Variants in ZNF440 observed in about 807,000 individuals in gnomAD.
The protein encoded by ZNF440 is zinc finger protein 440.
ZNF440 carries 47 observed loss-of-function variants against 49.7 expected under a neutral mutation model. The observed-to-expected ratio is 0.95, with a 90% CI of 0.75 to 1.21. ZNF440 has a LOEUF of 1.21. Ranked by LOEUF, ZNF440 falls within the 50% of genes most tolerant of loss-of-function variation. The pLI, the probability that ZNF440 is intolerant of heterozygous loss-of-function variation, is 0.00. For synonymous variants in ZNF440, 255 were observed against 237.7 expected (o/e 1.07, Z -0.67); for missense variants, 703 against 715.0 (o/e 0.98, Z 0.19).
At chr19:11,822,391 A>G (rs1311943513) in intron 1 of ZNF440, among the ~76,000 whole-genome samples, 1 of 152,236 alleles carries the variant, frequency 6.6e-6, no homozygotes, top group African/African-American at 2.4e-5. Context: ...TCAGTATAAG[A>G]GGCAACTCTA....
chr19:11,829,708 C>T (rs531600673), intron 1 of ZNF440, among the ~76,000 whole-genome samples: 1 of 152,300 alleles, frequency 6.6e-6, no homozygotes, highest in South Asian at 2.1e-4. Context: ...TGGCACATGC[C>T]TGTGGTCTCA....
intron 1 of ZNF440, chr19:11,827,604 A>G (rs1026031726): frequency 6.6e-6 from 1 of 152,216 alleles, no homozygotes; most frequent in Non-Finnish European, 1.5e-5. Flanking sequence ...TCTTATTGCC[A>G]AATCAAGGTC....
intron 1 of ZNF440, among the ~76,000 whole-genome samples, chr19:11,824,706 C>CTTTTTTT (rs71166634): frequency 8.3e-5 from 10 of 120,536 alleles, no homozygotes; most frequent in African/African-American, 2.8e-4. Context: ...CCCCACCACC[C>CTTTTTTT]TTTTTTTTTT....
chr19:11,831,273 A>G (rs1975933407), intron 3 of ZNF440, 95 bp from the exon 4 acceptor site: 1 of 1,463,594 alleles, frequency 6.8e-7, no homozygotes, highest in Admixed American at 2.3e-5. Flanking sequence ...CTACACTTTG[A>G]TGGAGAGTGT....
chr19:11,832,953 A>G lies in ZNF440; in HGVS notation c.1777A>G (p.Lys593Glu). 2.5e-6 allele frequency: 4 copies of G among 1,609,144 alleles called. No homozygotes were observed. Among genetic ancestry groups the G allele is most frequent in the Non-Finnish European group, 3.4e-6 (4 of 1,178,804 alleles). The change falls in exon 4 of 4, where the codon AAA becomes GAA. Residue 593 changes from lysine (K) to glutamate (E), a missense_variant. Coordinates refer to ENST00000304060, the MANE Select transcript of ZNF440 (RefSeq NM_152357.3). ...PRTFEFMKGH[K>E]HT is the part of the protein sequence containing the mutation. ...AACCTTCGAATTCATGAAAGGACAC[A>G]AACACACATAATGCACTCTGTAGAG... is the stretch of plus-strand genomic sequence containing the variant.
At chr19:11,826,250 G>A (rs935870194) in intron 1 of ZNF440, among the ~76,000 whole-genome samples, 8 of 152,162 alleles carry the variant, frequency 5.3e-5, no homozygotes, top group Non-Finnish European at 1.2e-4. Context: ...GCACATGGGA[G>A]ACTGAGATGA....
chr19:11,827,139 C>T (rs1975876853), intron 1 of ZNF440, among the ~76,000 whole-genome samples: 1 of 151,436 alleles, frequency 6.6e-6, no homozygotes, highest in South Asian at 2.1e-4. Flanking sequence ...TCTTGGCTCA[C>T]TGCAACCTCT....
rs1208121826 is a variant in ZNF440, at chr19:11,834,088, CT to C, written c.*1126del. On this transcript the variant is annotated 3_prime_UTR_variant, in exon 4 of 4. Transcript: ENST00000304060. ...TTATTCGAAAATTTTACTTTTCATG[CT>C]TCTGTACTTACATTTTTATCTCAAC... The C allele has an allele frequency of 1.7e-5, 5 of 295,072 alleles. No homozygotes were observed. The highest frequency in any genetic ancestry group is 1.1e-4 in the African/African-American group (5 of 45,496). 18.3% of individuals were successfully genotyped at this position (295,072 alleles called of 1,614,324 possible). A position where few individuals can be genotyped will look rare whatever the true frequency, so the allele number is the denominator to read the frequency against.
At position 11,828,132 on chromosome 19, in the gene ZNF440, G is replaced by A. The variant is rs186931491; in HGVS notation, c.4-2151G>A. 2.6e-4 allele frequency among the ~76,000 whole-genome samples: 40 copies of A among 152,228 alleles called. No homozygotes were observed. In the South Asian group the frequency reaches 3.9e-3, roughly 15 times the overall value. On this transcript the variant is annotated intron_variant, in intron 1 of 3. Transcript: ENST00000304060. ...TAGCGTTCCAAAAATGGAACACTAG[G>A]CATAAATTGGTTAAGGCTTGTCAGA...
rs771455938 is a variant in ZNF440 at position 11,832,066 on chromosome 19, G to A, written c.890G>A (p.Arg297His). 22 of 1,613,866 alleles carry A rather than the reference G, an allele frequency of 1.4e-5. No homozygotes were observed. Among genetic ancestry groups the A allele is most frequent in the Middle Eastern group, 1.6e-4 (1 of 6,084 alleles). Reference sequence around the variant, plus strand: ...TGTGGAAAAGCATTCACGTGTCCCCGTTATGTTCGTATACATGAAAGGACC... The same window carrying A: ...TGTGGAAAAGCATTCACGTGTCCCCATTATGTTCGTATACATGAAAGGACC... ...KECGKAFTCP[R>H]YVRIHERTHS... Residue 297 changes from arginine (R) to histidine (H), a missense_variant, in exon 4 of 4, where the codon CGT (arginine) becomes CAT (histidine). Physicochemically the swap from Arg to His is conservative, Grantham distance 29. Coordinates refer to ENST00000304060, the MANE Select transcript of ZNF440 (RefSeq NM_152357.3).
rs112043377 is a variant in ZNF440, at chr19:11,826,662, C to CT, written c.4-3605dup. Among the ~76,000 whole-genome samples, 567 of 142,244 alleles carry CT rather than the reference C, an allele frequency of 4.0e-3. 1 individual carries two copies. The highest frequency in any genetic ancestry group is 0.01 in the African/African-American group (390 of 38,272). 93.3% of individuals were successfully genotyped at this position (142,244 alleles called of 152,430 possible). On this transcript the variant is annotated intron_variant, in intron 1 of 3. Coordinates refer to ENST00000304060, the MANE Select transcript of ZNF440 (RefSeq NM_152357.3). ...TGTTTTCCTTTTTTAATTTTTTTTC[C>CT]TTTTTTTTTTTTTTTTGGAGACAGA...
intron 1 of ZNF440, 160 bp from the exon 2 acceptor site, chr19:11,830,123 G>A: frequency 2.1e-6 from 3 of 1,430,816 alleles, no homozygotes; most frequent in Non-Finnish European, 2.8e-6. Flanking sequence ...TTGCTTTGTG[G>A]AAGAAAGTAA....
At chr19:11,820,035 T>A (rs1298500285) in intron 1 of ZNF440, among the ~76,000 whole-genome samples, 1 of 152,148 alleles carries the variant, frequency 6.6e-6, no homozygotes, top group African/African-American at 2.4e-5. Context: ...GAAATCTGTG[T>A]CTGAACATTT....
At chr19:11,814,973 G>A (rs1429670308) in intron 1 of ZNF440, among the ~76,000 whole-genome samples, 5 of 151,974 alleles carry the variant, frequency 3.3e-5, no homozygotes, top group African/African-American at 1.2e-4. Context: ...ATAGGCTAAG[G>A]TTTAAAATTA....
In ZNF440 at chr19:11,824,738, T is replaced by C. The variant is rs902258959; in HGVS notation, c.4-5545T>C. On this transcript the variant is annotated intron_variant, in intron 1 of 3. Transcript: ENST00000304060. ...TTTTTTTTTTTTTGAGATAGAATCT[T>C]GCTCTGTTGCCCAGGCTGGAGTGCA... 4.8e-5 allele frequency among the ~76,000 whole-genome samples: 7 copies of C among 146,188 alleles called. No homozygotes were observed. In the East Asian group the frequency reaches 1.4e-3, roughly 29 times the overall value.
At chr19:11,815,366 G>C (rs1975721021) in intron 1 of ZNF440, among the ~76,000 whole-genome samples, 1 of 151,670 alleles carries the variant, frequency 6.6e-6, no homozygotes, top group Non-Finnish European at 1.5e-5. Flanking sequence ...AACAGGGACT[G>C]TCCGTTACTA....
chr19:11,827,238 A>G (rs1049049649), intron 1 of ZNF440, among the ~76,000 whole-genome samples: 3 of 148,908 alleles, frequency 2.0e-5, no homozygotes, highest in Admixed American at 1.3e-4. Context: ...TAATTTTTGT[A>G]TTTTTACTAG....
chr19:11,819,802 C>G (rs939361949), intron 1 of ZNF440, among the ~76,000 whole-genome samples: 1 of 152,214 alleles, frequency 6.6e-6, no homozygotes, highest in Admixed American at 6.5e-5. Context: ...TTTCATTTCC[C>G]TATAAATTAG....
At position 11,832,813 on chromosome 19, in the gene ZNF440, G is replaced by A; in HGVS notation, c.1637G>A (p.Ser546Asn). 6.2e-7 allele frequency: 1 copy of A among 1,614,060 alleles called. No individual in the cohort carries two copies. Among genetic ancestry groups the A allele is most frequent in the Non-Finnish European group, 8.5e-7 (1 of 1,180,016 alleles). ...CTGAAGAGAAACCCTATGAGTGTGA[G>A]CAATGACGGAAAGCCTTCAGATCTG... Reference protein sequence around the residue: ...LTLKRNPMSVSNDGKPSDLPH... With the variant: ...LTLKRNPMSVNNDGKPSDLPH... The change falls in exon 4 of 4, where the codon AGC (serine) becomes AAC (asparagine). Residue 546 changes from serine (S) to asparagine (N), a missense_variant. By Grantham distance (46) the Ser-to-Asn change is conservative. Transcript: ENST00000304060.
Sources: allele counts gnomAD v4.1 joint callset (sites outside exome capture counted in the v4.1 genomes callset), GRCh38; gene constraint gnomAD v4.1.1; transcripts MANE v1.5; gene names NCBI Gene and HGNC (gene_info 2026-07-23, HGNC 2026-07-21).